Variants in RYR2 observed in about 807,000 individuals in gnomAD.
RYR2 encodes ryanodine receptor 2, also known as cardiac muscle ryanodine receptor-calcium release channel.
A neutral mutation model predicts 601.1 loss-of-function variants in RYR2; 227 were observed. The observed-to-expected ratio is 0.38, with a 90% CI of 0.34 to 0.42. RYR2 has a LOEUF of 0.42. Among genes scored for constraint, RYR2 ranks in the 10% least tolerant of loss-of-function variants. The pLI is 1.00. For missense variants in RYR2, 4,646 were observed against 6,156.5 expected, an observed-to-expected ratio of 0.75 and a Z score of 8.21; for synonymous variants, 2,223 against 2,175.1, an observed-to-expected ratio of 1.02 and a Z score of -0.61.
intron 24 of RYR2, among the ~76,000 whole-genome samples, chr1:237,521,360 C>T (rs1667068113): frequency 6.6e-6 from 1 of 152,154 alleles, no homozygotes. Flanking sequence ...ACTTTGTAGC[C>T]AGTGTGTTCA....
intron 5 of RYR2, among the ~76,000 whole-genome samples, chr1:237,366,012 G>A (rs544880329): frequency 3.9e-4 from 60 of 152,310 alleles, no homozygotes; most frequent in African/African-American, 1.4e-3. Context: ...ATTAAGGGGA[G>A]GGCATATGCA....
chr1:237,594,004 G>C (rs1236767305), intron 33 of RYR2, among the ~76,000 whole-genome samples: 1 of 152,174 alleles, frequency 6.6e-6, no homozygotes. Flanking sequence ...CTGGCTATGT[G>C]GTGGGGAGAA....
intron 17 of RYR2, among the ~76,000 whole-genome samples, chr1:237,473,636 AC>A (rs1661039180): frequency 6.6e-6 from 1 of 151,922 alleles, no homozygotes; most frequent in African/African-American, 2.4e-5. Flanking sequence ...CCTGACCCAA[AC>A]TAGGAAGGAG....
chr1:237,208,958 A>ATATATATATATATATGTG (rs1682165227), intron 1 of RYR2, among the ~76,000 whole-genome samples: 6 of 99,958 alleles, frequency 6.0e-5, no homozygotes, highest in Admixed American at 1.1e-4. Context: ...ATATATATAT[A>ATATATATATATATATGTG]TATATATATA....
At chr1:237,253,516 C>T (rs1687673170) in intron 1 of RYR2, among the ~76,000 whole-genome samples, 1 of 152,224 alleles carries the variant, frequency 6.6e-6, no homozygotes, top group Non-Finnish European at 1.5e-5. Flanking sequence ...AAACACCAAG[C>T]TTTTCAAAAC....
intron 1 of RYR2, among the ~76,000 whole-genome samples, chr1:237,082,864 C>T (rs1322343436): frequency 1.3e-5 from 2 of 152,030 alleles, no homozygotes; most frequent in Non-Finnish European, 1.5e-5. Context: ...GCTATTATAT[C>T]GCCTTGCTAT....
In RYR2 at chr1:237,832,811, C is replaced by G. The variant is rs1228800265; in HGVS notation, c.*164C>G. 5.7e-6 allele frequency: 3 copies of G among 526,886 alleles called. No individual in the cohort carries two copies. The highest frequency in any genetic ancestry group is 2.9e-5 in the South Asian group (1 of 34,654). 32.6% of individuals were successfully genotyped at this position (526,886 alleles called of 1,614,324 possible). Reference sequence around the variant, plus strand: ...TTTCGGAAGAGCTGTTTCCTCCCCCCACCTTTTGTATTTACTTTGAGACTA... The same window carrying G: ...TTTCGGAAGAGCTGTTTCCTCCCCCGACCTTTTGTATTTACTTTGAGACTA... On this transcript the variant is annotated 3_prime_UTR_variant, in exon 105 of 105. Transcript: ENST00000366574.
intron 58 of RYR2, among the ~76,000 whole-genome samples, chr1:237,670,387 A>T (rs1360389513): frequency 5.3e-5 from 8 of 151,994 alleles, no homozygotes; most frequent in Admixed American, 3.9e-4. Context: ...TTAATTGCCT[A>T]TTTCAAAATG....
intron 12 of RYR2, among the ~76,000 whole-genome samples, chr1:237,436,971 A>G (rs972477313): frequency 1.3e-5 from 2 of 151,764 alleles, no homozygotes; most frequent in African/African-American, 4.8e-5. Flanking sequence ...GGTATACCCA[A>G]TGCCAAATAT....
At chr1:237,373,910 A>C (rs771658304) in intron 6 of RYR2, among the ~76,000 whole-genome samples, 1 of 152,214 alleles carries the variant, frequency 6.6e-6, no homozygotes, top group Non-Finnish European at 1.5e-5. Context: ...TTTGGGAGAA[A>C]GATTTCTAAC....
At chr1:237,425,978 A>T (rs1706111268) in intron 12 of RYR2, among the ~76,000 whole-genome samples, 1 of 151,932 alleles carries the variant, frequency 6.6e-6, no homozygotes, top group Admixed American at 6.6e-5. Context: ...ATACACTCTG[A>T]TTTATGCGAT....
chr1:237,669,514 C>G (rs557051181), intron 58 of RYR2, among the ~76,000 whole-genome samples: 134 of 150,568 alleles, frequency 8.9e-4, no homozygotes, highest in Non-Finnish European at 1.8e-3. Context: ...GGCTGACCCC[C>G]CCCACCTCCC....
At chr1:237,302,574 G>A (rs1693468379) in intron 2 of RYR2, among the ~76,000 whole-genome samples, 1 of 152,140 alleles carries the variant, frequency 6.6e-6, no homozygotes, top group African/African-American at 2.4e-5. Flanking sequence ...ACTACAGAGT[G>A]AGCTAAGCAT....
chr1:237,278,200 A>C (rs1690481410), intron 2 of RYR2, among the ~76,000 whole-genome samples: 1 of 143,188 alleles, frequency 7.0e-6, no homozygotes. Context: ...CCTTCCAGGT[A>C]TCTACGACTA....
chr1:237,777,251 C>T (rs566858382), intron 87 of RYR2, among the ~76,000 whole-genome samples: 77 of 152,214 alleles, frequency 5.1e-4, no homozygotes, highest in African/African-American at 1.6e-3. Flanking sequence ...TTTTTAGTCA[C>T]CCCTTTTGCA....
intron 2 of RYR2, among the ~76,000 whole-genome samples, chr1:237,292,061 G>A (rs1692272394): frequency 6.6e-6 from 1 of 152,174 alleles, no homozygotes. Flanking sequence ...TACTTTTGCT[G>A]TGAACATAAA....
intron 44 of RYR2, among the ~76,000 whole-genome samples, chr1:237,638,043 T>G (rs1406889707): frequency 1.3e-5 from 2 of 151,542 alleles, no homozygotes; most frequent in African/African-American, 2.4e-5. Context: ...CCGTGAGTCT[T>G]GAGCCCTGGG....
intron 1 of RYR2, among the ~76,000 whole-genome samples, chr1:237,119,406 C>A (rs1670513360): frequency 1.3e-5 from 2 of 152,142 alleles, no homozygotes; most frequent in Non-Finnish European, 2.9e-5. Context: ...ATTGGGAAAA[C>A]TGCATGTGTG....
In RYR2 at chr1:237,425,613, G is replaced by A. The variant is rs564597161; in HGVS notation, c.1005+2365G>A. Reference sequence around the variant, plus strand: ...CGTGCCACTGCAGTCCAGCCTGGGCGATAGAGCAAGACTCTGTCTCAAAAA... The same window carrying A: ...CGTGCCACTGCAGTCCAGCCTGGGCAATAGAGCAAGACTCTGTCTCAAAAA... On this transcript the variant is annotated intron_variant, in intron 12 of 104. Coordinates refer to ENST00000366574, the MANE Select transcript of RYR2 (RefSeq NM_001035.3). Among the ~76,000 whole-genome samples the A allele has an allele frequency of 4.0e-5, 6 of 151,626 alleles. No homozygotes were observed. In the East Asian group the frequency reaches 5.8e-4, roughly 15 times the overall value.
Sources: gnomAD v4.1 joint callset for allele counts (sites outside exome capture counted in the v4.1 genomes callset) on GRCh38, gnomAD v4.1.1 for gene constraint, MANE v1.5 for transcripts, NCBI Gene and HGNC (gene_info 2026-07-23, HGNC 2026-07-21) for gene names.